Variants in ADCY4 observed in about 807,000 individuals in gnomAD.
The protein encoded by ADCY4 is adenylate cyclase type 4.
A neutral mutation model predicts 125.5 loss-of-function variants in ADCY4; 111 were observed. The observed-to-expected ratio is 0.88, with a 90% CI of 0.76 to 1.04. The LOEUF is 1.04. ADCY4 is among the 50% of genes least tolerant of loss of function. ADCY4 has a pLI of 0.00. For missense variants in ADCY4, 1,256 were observed against 1,382.9 expected (o/e 0.91, Z 1.46); for synonymous variants, 576 against 586.9 (o/e 0.98, Z 0.27).
At chr14:24,328,995 TG>T in intron 10 of ADCY4, 65 bp downstream of exon 10, 1 of 1,552,296 alleles carries the variant, frequency 6.4e-7, no homozygotes, top group Non-Finnish European at 8.7e-7. Flanking sequence ...AGGCTGCCAG[TG>T]GGGCCTGAGG....
In ADCY4 at chr14:24,331,902, G is replaced by T. The variant is rs146705515; in HGVS notation, c.555C>A (p.Asn185Lys). ...GCGCCTTGTGGTACACTCCTGCCAC[G>T]TTCCCGCACAGGAACAGCACTGCGT... ...AANAVLFLCG[N>K]VAGVYHKALM... The change falls in exon 4 of 25, where the codon AAC becomes AAA. Residue 185 changes from asparagine to lysine, a missense_variant. Coordinates refer to ENST00000418030, the MANE Select transcript of ADCY4 (RefSeq NM_001198568.2). The T allele has an allele frequency of 2.5e-6, 4 of 1,581,808 alleles. No individual in the cohort carries two copies. The highest frequency in any genetic ancestry group is 3.5e-6 in the Non-Finnish European group (4 of 1,156,786).
rs116279101 is a variant in ADCY4, at chr14:24,325,738, A to G, written c.1725+80T>C. 1,997 of 1,486,100 alleles carry G rather than the reference A, an allele frequency of 1.3e-3. 21 individuals carry two copies. In the African/African-American group the frequency reaches 0.025, roughly 18 times the overall value. The allele number at this position is 1,486,100 out of a possible 1,614,324, so 92.1% of individuals were successfully genotyped here. A position where few individuals can be genotyped will look rare whatever the true frequency, so the allele number is the denominator to read the frequency against. ...CACAAACTGAGCAGACTTGGGGAGG[A>G]GACCCAAGGGCTGACCCCTCCCCAG... On this transcript the variant is annotated intron_variant, in intron 13 of 24. Coordinates refer to ENST00000418030, the MANE Select transcript of ADCY4 (RefSeq NM_001198568.2).
rs768415439 is a variant in ADCY4 at position 24,332,997 on chromosome 14, A to C, written c.160-9T>G. On this transcript the variant is annotated splice_polypyrimidine_tract_variant and intron_variant, in intron 1 of 24. Transcript: ENST00000418030. ...GGGTCTGAGGTCAGCTCCTGTGGGC[A>C]GGGGTGTGTGAGGCAAGATTGTGAC... is the stretch of plus-strand genomic sequence containing the variant. 1 of 1,516,872 alleles carries C rather than the reference A, an allele frequency of 6.6e-7. No homozygotes were observed. The highest frequency in any genetic ancestry group is 1.4e-5 in the African/African-American group (1 of 71,786). 94.0% of individuals were successfully genotyped at this position (1,516,872 alleles called of 1,614,324 possible). A position where few individuals can be genotyped will look rare whatever the true frequency, so the allele number is the denominator to read the frequency against.
At chr14:24,323,591 G>C in intron 16 of ADCY4, 137 bp from the exon 17 acceptor site, 1 of 1,462,726 alleles carries the variant, frequency 6.8e-7, no homozygotes, top group African/African-American at 1.4e-5. Flanking sequence ...TTCTGGTTGG[G>C]AAGGGAACCT....
intron 14 of ADCY4, among the ~76,000 whole-genome samples, chr14:24,325,129 T>C (rs183878497): frequency 6.6e-6 from 1 of 151,948 alleles, no homozygotes; most frequent in South Asian, 2.1e-4. Flanking sequence ...CTGGCCTTCA[T>C]GGGGATGTTG....
At chr14:24,332,107 C>A in intron 3 of ADCY4, 170 bp from the exon 4 acceptor site, 1 of 795,790 alleles carries the variant, frequency 1.3e-6, no homozygotes. Flanking sequence ...TTTCCCTTCC[C>A]AGATGCTCCC....
At chr14:24,324,589 C>G (rs1003320021) in intron 14 of ADCY4, among the ~76,000 whole-genome samples, 198 bp from the exon 15 acceptor site, 10 of 151,926 alleles carry the variant, frequency 6.6e-5, no homozygotes. Flanking sequence ...AGAGCAGTGT[C>G]GAGGTGGAAC....
chr14:24,327,086 G>A lies in ADCY4; in HGVS notation c.1525-744C>T, dbSNP rs2041960364. On this transcript the variant is annotated intron_variant, in intron 10 of 24. Transcript: ENST00000418030. ...TGATTTTTGTATTTTTAGTAGAGAT[G>A]GGGTTTCGCCATGTTGGCCGGGCTG... 2.6e-5 allele frequency among the ~76,000 whole-genome samples: 4 copies of A among 151,866 alleles called. No homozygotes were observed. The South Asian group carries it at 8.3e-4, about 32-fold the overall frequency.
chr14:24,329,306 C>A (rs2042001932), intron 9 of ADCY4, 72 bp from the exon 10 acceptor site: 1 of 1,581,754 alleles, frequency 6.3e-7, no homozygotes. Flanking sequence ...CCACTAGGAC[C>A]CAGGAACTCA....
chr14:24,322,252 G>A (rs1187178582), intron 19 of ADCY4, 28 bp from the exon 20 acceptor site: 2 of 1,598,176 alleles, frequency 1.3e-6, no homozygotes. Context: ...GGGCCATGGG[G>A]AGACACAGAG....
At chr14:24,321,287 G>T (rs2041848106) in intron 20 of ADCY4, among the ~76,000 whole-genome samples, 1 of 151,676 alleles carries the variant, frequency 6.6e-6, no homozygotes, top group African/African-American at 2.4e-5. Flanking sequence ...CAGGCATGGT[G>T]GCAGGCGCCT....
intron 2 of ADCY4, 38 bp downstream of exon 2, chr14:24,332,753 C>T (rs778402594): frequency 2.8e-5 from 43 of 1,531,312 alleles, no homozygotes; most frequent in African/African-American, 1.2e-4. Flanking sequence ...GATCGAAGCC[C>T]GGGCCGTCCC....
rs1345817913 is a variant in ADCY4, at chr14:24,319,487, C to T, written c.2734-51G>A. 1.9e-6 allele frequency: 3 copies of T among 1,572,156 alleles called. No homozygotes were observed. Among genetic ancestry groups the T allele is most frequent in the Non-Finnish European group, 2.6e-6 (3 of 1,143,778 alleles). On this transcript the variant is annotated intron_variant, in intron 21 of 24. Transcript: ENST00000418030. The surrounding 1 kb of genome is among the most constrained non-coding windows in gnomAD (Gnocchi z 4.5). ...CCAGTCTCTCTTACTCTCTCCATCA[C>T]CTCTCCCAGAAGCCCAGCCCCAAGC...
intron 14 of ADCY4, among the ~76,000 whole-genome samples, chr14:24,324,906 G>A (rs576697815): frequency 6.6e-6 from 1 of 152,168 alleles, no homozygotes; most frequent in South Asian, 2.1e-4. Flanking sequence ...GTTTCACCAT[G>A]TTGGCCAGGC....
At chr14:24,326,870 A>T (rs2041954898) in intron 10 of ADCY4, among the ~76,000 whole-genome samples, 1 of 146,570 alleles carries the variant, frequency 6.8e-6, no homozygotes, top group Admixed American at 6.8e-5. Flanking sequence ...CTGGGATTAT[A>T]GGCATGAGCC....
In ADCY4 at chr14:24,323,325, G is replaced by T. The variant is rs375316188; in HGVS notation, c.2157+19C>A. 5.1e-5 allele frequency: 79 copies of T among 1,537,496 alleles called. No individual in the cohort carries two copies. The African/African-American group carries it at 9.5e-4, about 18-fold the overall frequency. ...GAAGGGTGTGCAGAAGGAGATTAAG[G>T]GCATGTGGGAACACTCACTGGGACA... On this transcript the variant is annotated intron_variant, in intron 17 of 24. Transcript: ENST00000418030.
chr14:24,328,149 G>A (rs1181162163), intron 10 of ADCY4, among the ~76,000 whole-genome samples: 3 of 149,350 alleles, frequency 2.0e-5, no homozygotes, highest in South Asian at 2.1e-4. Context: ...GAAGACGCCC[G>A]TCACCAAGCG....
chr14:24,330,425 G>A lies in ADCY4; in HGVS notation c.931-130C>T, dbSNP rs2042023523. On this transcript the variant is annotated intron_variant, in intron 6 of 24. Coordinates refer to ENST00000418030, the MANE Select transcript of ADCY4 (RefSeq NM_001198568.2). ...CCAAGGTGGGGTAGTGTCTAGATCA[G>A]ATCTAGGGACTCCTTTCACTTGATA... 4 of 1,288,038 alleles carry A rather than the reference G, an allele frequency of 3.1e-6. No individual in the cohort carries two copies. In the South Asian group the frequency reaches 5.4e-5, roughly 17 times the overall value. 79.8% of individuals were successfully genotyped at this position (1,288,038 alleles called of 1,614,324 possible). A position where few individuals can be genotyped will look rare whatever the true frequency, so the allele number is the denominator to read the frequency against.
chr14:24,332,060 G>T, intron 3 of ADCY4, 123 bp from the exon 4 acceptor site: 1 of 1,254,984 alleles, frequency 8.0e-7, no homozygotes, highest in Non-Finnish European at 1.0e-6. Flanking sequence ...AACTATTGTG[G>T]GACAAGTGGT....
Sources: gnomAD v4.1 joint callset for allele counts (sites outside exome capture counted in the v4.1 genomes callset) on GRCh38, gnomAD v4.1.1 for gene constraint, Gnocchi (gnomAD v3.1) non-coding constraint, MANE v1.5 for transcripts, NCBI Gene and HGNC (gene_info 2026-07-23, HGNC 2026-07-21) for gene names.